The following NUBPL variants were observed in gnomAD, a reference collection of about 807,000 sequenced individuals.
NUBPL encodes NUBP iron-sulfur cluster assembly factor, mitochondrial.
A neutral mutation model predicts 45.7 loss-of-function variants in NUBPL; 31 were observed. The observed-to-expected ratio is 0.68, with a 90% CI of 0.51 to 0.92. The LOEUF is 0.92. NUBPL is among the 40% of genes least tolerant of loss of function. The probability of loss-of-function intolerance (pLI) is 0.00; values close to 1 mark genes in which losing one functional copy is unlikely to be tolerated. For missense variants in NUBPL, 401 were observed against 398.7 expected (o/e 1.01, Z -0.05); for synonymous variants, 144 against 140.9 (o/e 1.02, Z -0.15).
Position 31,647,364 on chromosome 14 carries a change from G to A in NUBPL, c.383-25991G>A, listed in dbSNP as rs574497435. 5.3e-5 allele frequency among the ~76,000 whole-genome samples: 8 copies of A among 152,252 alleles called. No homozygotes were observed. In the East Asian group the frequency reaches 1.5e-3, roughly 29 times the overall value. On this transcript the variant is annotated intron_variant, in intron 4 of 10. Coordinates refer to ENST00000281081, the MANE Select transcript of NUBPL (RefSeq NM_025152.3). ...TATTGGATATGTTTCTTTAGAGTTT[G>A]TATTTTTGAATTTCTTTTTTTTCTT...
At chr14:31,774,005 C>G (rs561003979) in intron 6 of NUBPL, among the ~76,000 whole-genome samples, 14 of 152,304 alleles carry the variant, frequency 9.2e-5, no homozygotes, top group Non-Finnish European at 1.9e-4. Context: ...GCTGTTCAAA[C>G]CAATCTAGAT....
At chr14:31,827,803 G>C (rs2040129835) in intron 8 of NUBPL, among the ~76,000 whole-genome samples, 1 of 152,196 alleles carries the variant, frequency 6.6e-6, no homozygotes, top group Non-Finnish European at 1.5e-5. Flanking sequence ...CCATGACACA[G>C]GATAAGATCC....
At chr14:31,639,906 C>G (rs762027500) in intron 4 of NUBPL, among the ~76,000 whole-genome samples, 10 of 152,164 alleles carry the variant, frequency 6.6e-5, no homozygotes, top group Non-Finnish European at 1.3e-4. Context: ...GGGATATAAT[C>G]TCCTGATGCG....
intron 6 of NUBPL, among the ~76,000 whole-genome samples, chr14:31,731,181 G>T (rs78960268): frequency 0.031 from 4,704 of 152,274 alleles, 128 homozygotes; most frequent in Admixed American, 0.059. Context: ...TAATCATTAG[G>T]TTGTACATGA....
At chr14:31,787,153 G>A (rs923323905) in intron 6 of NUBPL, among the ~76,000 whole-genome samples, 3 of 152,190 alleles carry the variant, frequency 2.0e-5, no homozygotes, top group African/African-American at 7.2e-5. Context: ...TAGGGACTCA[G>A]AAGGAAGAAG....
In NUBPL at chr14:31,756,139, C is replaced by T. The variant is rs1280979880; in HGVS notation, c.514-31641C>T. On this transcript the variant is annotated intron_variant, in intron 6 of 10. Coordinates refer to ENST00000281081, the MANE Select transcript of NUBPL (RefSeq NM_025152.3). ...AGTTTGAAGTCAGGTAGCATGATGCCTCCAGCTTTGTTCTTTTGGCTTAGG... is the reference window on the plus strand; with the variant it reads ...AGTTTGAAGTCAGGTAGCATGATGCTTCCAGCTTTGTTCTTTTGGCTTAGG... 2.0e-5 allele frequency among the ~76,000 whole-genome samples: 3 copies of T among 152,088 alleles called. No individual in the cohort carries two copies. In the East Asian group the frequency reaches 5.8e-4, roughly 29 times the overall value.
At chr14:31,598,767 C>G (rs1951343007) in intron 3 of NUBPL, among the ~76,000 whole-genome samples, 1 of 151,852 alleles carries the variant, frequency 6.6e-6, no homozygotes, top group Non-Finnish European at 1.5e-5. Flanking sequence ...GTTAGTGCTT[C>G]CATCTCATTT....
At chr14:31,855,826 G>A (rs56208157) in intron 10 of NUBPL, among the ~76,000 whole-genome samples, 25,630 of 151,994 alleles carry the variant, frequency 0.17, 2,616 homozygotes, top group East Asian at 0.48. Context: ...GGTCAGCTTA[G>A]GTTCAAAGCC....
At chr14:31,671,978 AATC>A (rs1328220318) in intron 4 of NUBPL, among the ~76,000 whole-genome samples, 1 of 152,184 alleles carries the variant, frequency 6.6e-6, no homozygotes, top group African/African-American at 2.4e-5. Context: ...TACTTGTCCA[AATC>A]ATATTTGTTA....
chr14:31,658,665 A>G (rs1245645449), intron 4 of NUBPL, among the ~76,000 whole-genome samples: 4 of 152,120 alleles, frequency 2.6e-5, no homozygotes, highest in Middle Eastern at 3.4e-3. Context: ...GGCACGCGCT[A>G]CCATGCCGGC....
intron 3 of NUBPL, among the ~76,000 whole-genome samples, chr14:31,572,072 G>T (rs921136288): frequency 6.6e-6 from 1 of 151,958 alleles, no homozygotes. Flanking sequence ...GCTAAGGTTC[G>T]AATGCCAACC....
At chr14:31,675,986 G>A (rs749103715) in intron 6 of NUBPL, among the ~76,000 whole-genome samples, 5 of 149,746 alleles carry the variant, frequency 3.3e-5, no homozygotes, top group Admixed American at 6.6e-5. Flanking sequence ...AGTTTTACAT[G>A]TTTTTAAATT....
At chr14:31,728,674 A>G (rs1290173279) in intron 6 of NUBPL, among the ~76,000 whole-genome samples, 1 of 152,218 alleles carries the variant, frequency 6.6e-6, no homozygotes, top group African/African-American at 2.4e-5. Flanking sequence ...TTTCTCAACC[A>G]TAAGACCTGT....
intron 6 of NUBPL, among the ~76,000 whole-genome samples, chr14:31,761,713 C>T (rs1444426687): frequency 6.6e-6 from 1 of 152,048 alleles, no homozygotes; most frequent in Non-Finnish European, 1.5e-5. Context: ...ACTAGTATTT[C>T]GTAGTATTGA....
chr14:31,561,432 T>G lies in NUBPL; in HGVS notation c.-8T>G. ...TTCCCAGCAGGGCTCACAGCAGCGT[T>G]CCGCGTCATGGGGATTTGGCAGCGT... On this transcript the variant is annotated 5_prime_UTR_variant, in exon 1 of 11. Transcript: ENST00000281081. 7.2e-7 allele frequency: 1 copy of G among 1,396,296 alleles called. No homozygotes were observed. The highest frequency in any genetic ancestry group is 9.4e-7 in the Non-Finnish European group (1 of 1,064,208). 86.5% of individuals were successfully genotyped at this position (1,396,296 alleles called of 1,614,324 possible).
At chr14:31,773,019 T>G (rs2039036584) in intron 6 of NUBPL, among the ~76,000 whole-genome samples, 1 of 152,178 alleles carries the variant, frequency 6.6e-6, no homozygotes, top group African/African-American at 2.4e-5. Context: ...CTGGGTCAGC[T>G]CTTACCTGAA....
At chr14:31,729,320 C>T (rs944657613) in intron 6 of NUBPL, among the ~76,000 whole-genome samples, 1 of 125,582 alleles carries the variant, frequency 8.0e-6, no homozygotes, top group Non-Finnish European at 1.6e-5. Context: ...ATATGTATAT[C>T]TTACCCCAGA....
intron 8 of NUBPL, among the ~76,000 whole-genome samples, chr14:31,842,966 C>CA (rs2040399606): frequency 6.6e-6 from 1 of 152,100 alleles, no homozygotes; most frequent in African/African-American, 2.4e-5. Flanking sequence ...ACCTCTATAT[C>CA]AGCCAAGATG....
At chr14:31,747,800 A>G (rs2038434486) in intron 6 of NUBPL, among the ~76,000 whole-genome samples, 1 of 151,888 alleles carries the variant, frequency 6.6e-6, no homozygotes, top group Admixed American at 6.6e-5. Flanking sequence ...TCTCTATTTC[A>G]TTTACTTTCA....
Sources: gnomAD v4.1 joint callset for allele counts (sites outside exome capture counted in the v4.1 genomes callset) on GRCh38, gnomAD v4.1.1 for gene constraint, MANE v1.5 for transcripts, NCBI Gene and HGNC (gene_info 2026-07-23, HGNC 2026-07-21) for gene names.